Variants in CAMLG observed in about 807,000 individuals in gnomAD.
CAMLG encodes the protein guided entry of tail-anchored proteins factor CAMLG.
CAMLG carries 23 observed loss-of-function variants against 28.9 expected under a neutral mutation model. The observed-to-expected ratio is 0.80, with a 90% confidence interval of 0.57 to 1.13. CAMLG has a LOEUF of 1.13. CAMLG is among the 50% of genes most tolerant of loss of function. The pLI, the probability that CAMLG is intolerant of heterozygous loss-of-function variation, is 0.00. For missense variants in CAMLG, 367 were observed against 371.9 expected (o/e 0.99, Z 0.11); for synonymous variants, 141 against 146.5 (o/e 0.96, Z 0.27).
At position 134,738,804 on chromosome 5, in the gene CAMLG, G is replaced by A. The variant is rs764828380; in HGVS notation, c.172+12G>A. On this transcript the variant is annotated intron_variant, in intron 1 of 3. Coordinates refer to ENST00000297156, the MANE Select transcript of CAMLG (RefSeq NM_001745.4). ...CGGGAGCGGCGCGGGTAAGAGCCTC[G>A]ATTTCCCCTCAGTCTCCCGCCCATC... 1 of 1,613,296 alleles carries A rather than the reference G, an allele frequency of 6.2e-7. No homozygotes were observed. Among genetic ancestry groups the A allele is most frequent in the African/African-American group, 1.3e-5 (1 of 74,910 alleles).
chr5:134,740,854 C>A (rs1180667638), intron 1 of CAMLG, among the ~76,000 whole-genome samples: 1 of 152,180 alleles, frequency 6.6e-6, no homozygotes, highest in Non-Finnish European at 1.5e-5. Context: ...ATGATCCGCC[C>A]GCCTCAGCCT....
intron 2 of CAMLG, 66 bp downstream of exon 2, chr5:134,741,589 T>G: frequency 9.8e-7 from 1 of 1,019,724 alleles, no homozygotes; most frequent in South Asian, 1.5e-5. Flanking sequence ...TAATTATGAG[T>G]GCTTTTGATC....
intron 2 of CAMLG, among the ~76,000 whole-genome samples, chr5:134,742,336 C>G (rs1752995205): frequency 6.6e-6 from 1 of 152,288 alleles, no homozygotes. Context: ...AGAGGTTAAA[C>G]CATTTGCCCA....
chr5:134,745,278 A>G (rs936779342), intron 3 of CAMLG, among the ~76,000 whole-genome samples: 1 of 151,814 alleles, frequency 6.6e-6, no homozygotes, highest in Non-Finnish European at 1.5e-5. Flanking sequence ...TCTACTAAAA[A>G]TACAAAAGTT....
chr5:134,740,340 A>G (rs762038566), intron 1 of CAMLG, among the ~76,000 whole-genome samples: 1 of 152,182 alleles, frequency 6.6e-6, no homozygotes, highest in Non-Finnish European at 1.5e-5. Flanking sequence ...CAGAAATCTA[A>G]TTTTAAAATA....
intron 2 of CAMLG, among the ~76,000 whole-genome samples, chr5:134,742,857 G>A (rs897069467): frequency 3.9e-5 from 6 of 151,944 alleles, no homozygotes; most frequent in African/African-American, 1.5e-4. Context: ...TCCTGCCTTA[G>A]CCTCCCGAGT....
In CAMLG at chr5:134,744,026, A is replaced by G. The variant is rs1170700010; in HGVS notation, c.673A>G (p.Met225Val). 1.2e-5 allele frequency: 17 copies of G among 1,435,796 alleles called. No individual in the cohort carries two copies. The highest frequency in any genetic ancestry group is 1.7e-5 in the Admixed American group (1 of 59,108). The allele number at this position is 1,435,796 out of a possible 1,614,324, so 88.9% of individuals were successfully genotyped here. ...ATTTCTTACTTTACAACTTGCGTAC[A>G]TGGGATTATACAAATATTTTCCCAA... Reference protein sequence around the residue: ...APFLTLQLAYMGLYKYFPKSE... With the variant: ...APFLTLQLAYVGLYKYFPKSE... The change falls in exon 3 of 4, where the codon ATG (methionine) becomes GTG (valine). Residue 225 changes from methionine to valine, a missense_variant. Transcript: ENST00000297156.
intron 3 of CAMLG, among the ~76,000 whole-genome samples, chr5:134,746,358 AATT>A (rs1753049612): frequency 6.6e-6 from 1 of 152,182 alleles, no homozygotes; most frequent in South Asian, 2.1e-4. Context: ...CTATACATGA[AATT>A]ATTAACAATA....
rs548984469 is a variant in CAMLG at position 134,744,514 on chromosome 5, G to A, written c.699+462G>A. Among the ~76,000 whole-genome samples, 488 of 138,304 alleles carry A rather than the reference G, an allele frequency of 3.5e-3. 4 individuals are homozygous for A. The highest frequency in any genetic ancestry group is 0.032 in the Middle Eastern group (8 of 252). 90.7% of individuals were successfully genotyped at this position (138,304 alleles called of 152,430 possible). The stretch of plus-strand genomic sequence containing the variant: ...ACTGCTCCAGTCTGGGTGACAGAGT[G>A]AGACTCTGTCTCCAAAAAAAAAAAA... On this transcript the variant is annotated intron_variant, in intron 3 of 3. Coordinates refer to ENST00000297156, the MANE Select transcript of CAMLG (RefSeq NM_001745.4).
intron 3 of CAMLG, among the ~76,000 whole-genome samples, chr5:134,748,634 T>C (rs1753078534): frequency 6.6e-6 from 1 of 152,212 alleles, no homozygotes; most frequent in Non-Finnish European, 1.5e-5. Flanking sequence ...TTAATACGTT[T>C]GTTATCCTAT....
intron 3 of CAMLG, among the ~76,000 whole-genome samples, chr5:134,746,680 T>A (rs1166035914): frequency 1.3e-5 from 2 of 152,038 alleles, no homozygotes; most frequent in Non-Finnish European, 2.9e-5. Flanking sequence ...TGTCACCGTG[T>A]TGGTCAGTCT....
chr5:134,747,988 A>C (rs1004815746), intron 3 of CAMLG, among the ~76,000 whole-genome samples: 3 of 151,510 alleles, frequency 2.0e-5, no homozygotes, highest in Admixed American at 6.6e-5. Flanking sequence ...CAGCCTCCCA[A>C]GTAGCTGGGA....
intron 3 of CAMLG, among the ~76,000 whole-genome samples, chr5:134,749,614 T>C (rs1184604590): frequency 1.3e-5 from 2 of 152,208 alleles, no homozygotes; most frequent in Non-Finnish European, 2.9e-5. Flanking sequence ...AAATTACTCA[T>C]TGTTCTCCAA....
intron 1 of CAMLG, among the ~76,000 whole-genome samples, chr5:134,739,546 T>TA (rs1181372839): frequency 6.6e-6 from 1 of 152,128 alleles, no homozygotes; most frequent in Non-Finnish European, 1.5e-5. Flanking sequence ...TGATTTTCTT[T>TA]AAAAAAAATT....
chr5:134,750,663 A>T, intron 3 of CAMLG, 96 bp from the exon 4 acceptor site: 1 of 741,976 alleles, frequency 1.3e-6, no homozygotes, highest in South Asian at 2.1e-5. Flanking sequence ...TTTTTAAATC[A>T]TTTCGGTTAA....
chr5:134,747,728 A>G (rs1269290464), intron 3 of CAMLG, among the ~76,000 whole-genome samples: 1 of 145,046 alleles, frequency 6.9e-6, no homozygotes, highest in Non-Finnish European at 1.5e-5. Context: ...TGCAACCTCC[A>G]CCTCCCAGGT....
At chr5:134,748,115 G>T (rs1356692498) in intron 3 of CAMLG, among the ~76,000 whole-genome samples, 2 of 151,852 alleles carry the variant, frequency 1.3e-5, no homozygotes, top group Non-Finnish European at 2.9e-5. Flanking sequence ...GCCCACCTCG[G>T]CCTCCTAAAG....
chr5:134,750,888 T>C lies in CAMLG; in HGVS notation c.829T>C (p.Tyr277His). 6.2e-7 allele frequency: 1 copy of C among 1,614,032 alleles called. No homozygotes were observed. The highest frequency in any genetic ancestry group is 8.5e-7 in the Non-Finnish European group (1 of 1,179,920). Residue 277 changes from tyrosine to histidine, a missense_variant, in exon 4 of 4, where the codon TAC (tyrosine) becomes CAC (histidine). Coordinates refer to ENST00000297156, the MANE Select transcript of CAMLG (RefSeq NM_001745.4). ...MGEVFTDLCV[Y>H]FFTFIFCHEL... ...CGAAGTCTTCACAGATCTCTGTGTCTACTTTTTCACTTTTATCTTTTGTCA... is the reference window on the plus strand; with the variant it reads ...CGAAGTCTTCACAGATCTCTGTGTCCACTTTTTCACTTTTATCTTTTGTCA...
chr5:134,745,440 A>C (rs1344690336), intron 3 of CAMLG, among the ~76,000 whole-genome samples: 1 of 150,282 alleles, frequency 6.7e-6, no homozygotes, highest in Non-Finnish European at 1.5e-5. Flanking sequence ...CTCCTCAAAA[A>C]AAAAAAAAAA....
Sources: gnomAD v4.1 joint callset for allele counts (sites outside exome capture counted in the v4.1 genomes callset) on GRCh38, gnomAD v4.1.1 for gene constraint, MANE v1.5 for transcripts, NCBI Gene and HGNC (gene_info 2026-07-23, HGNC 2026-07-21) for gene names.